Variants in C2 observed in about 807,000 individuals in gnomAD.
C2 encodes complement C2.
A neutral mutation model predicts 85.2 loss-of-function variants in C2; 64 were observed. The observed-to-expected ratio is 0.75, with a 90% CI of 0.61 to 0.92. The LOEUF (loss-of-function observed/expected upper bound fraction) is 0.92, where lower values mean the gene tolerates loss of function less well. Ranked by LOEUF, C2 falls within the 40% of genes least tolerant of loss-of-function variation. The pLI, the probability that C2 is intolerant of heterozygous loss-of-function variation, is 0.00. For missense variants in C2, 820 were observed against 971.6 expected (o/e 0.84, Z 2.07); for synonymous variants, 311 against 370.8 (o/e 0.84, Z 1.85).
At position 31,944,772 on chromosome 6, in the gene C2, C is replaced by T. The variant is rs1771224588; in HGVS notation, c.1948C>T (p.Pro650Ser). The change falls in exon 16 of 18, where the codon CCC becomes TCC. Residue 650 changes from proline (P) to serine (S), a missense_variant. Physicochemically the swap from Pro to Ser is moderately conservative, Grantham distance 74 (BLOSUM62 -1). Transcript: ENST00000299367. This position sits in a 1 kb window ranked among gnomAD's most constrained non-coding sequence, Gnocchi z 5.1. Reference protein sequence around the residue: ...EVVSQEKTMFPNLTDVREVVT... With the variant: ...EVVSQEKTMFSNLTDVREVVT... ...TGTCTCCCAAGAAAAAACCATGTTC[C>T]CCAACTTGACAGATGTCAGGGAGGT... 4 of 1,612,962 alleles carry T rather than the reference C, an allele frequency of 2.5e-6. No homozygotes were observed. Among genetic ancestry groups the T allele is most frequent in the Non-Finnish European group, 3.4e-6 (4 of 1,180,040 alleles).
intron 1 of C2, among the ~76,000 whole-genome samples, chr6:31,910,266 T>C (rs1298443397): frequency 6.6e-6 from 1 of 151,958 alleles, no homozygotes. Flanking sequence ...CTAATGATGT[T>C]GAGCATCTTT....
upstream of C2, among the ~76,000 whole-genome samples, chr6:31,919,670 G>T (rs1768827996): frequency 6.6e-6 from 1 of 151,910 alleles, no homozygotes; most frequent in Admixed American, 6.6e-5. Context: ...TGCATAAATG[G>T]TGGCATCCCA....
rs1367488308 is a variant in C2 at position 31,906,668 on chromosome 6, A to G, written c.73+5529A>G. Among the ~76,000 whole-genome samples the G allele has an allele frequency of 2.6e-5, 4 of 151,690 alleles. 1 individual carries two copies. The highest frequency in any genetic ancestry group is 5.9e-5 in the Non-Finnish European group (4 of 67,974). ...CTATGTCATCCTTGCTGCTTGAGCAACTGACTTTCGGGCCTGTGATACCTG... is the reference window on the plus strand; with the variant it reads ...CTATGTCATCCTTGCTGCTTGAGCAGCTGACTTTCGGGCCTGTGATACCTG... On this transcript the variant is annotated intron_variant, in intron 1 of 3. Coordinates refer to the C2 transcript ENST00000452202.
At chr6:31,906,385 C>T (rs1767715549) in intron 1 of C2, among the ~76,000 whole-genome samples, 1 of 151,886 alleles carries the variant, frequency 6.6e-6, no homozygotes, top group Admixed American at 6.6e-5. Flanking sequence ...TCGGAGCCCT[C>T]TCCCAGCCTC....
At chr6:31,938,796 G>A (rs1172349702) in intron 8 of C2, among the ~76,000 whole-genome samples, 1 of 152,182 alleles carries the variant, frequency 6.6e-6, no homozygotes, top group Non-Finnish European at 1.5e-5. Flanking sequence ...TGGGATTACA[G>A]GCATGTGCCA....
chr6:31,939,622 C>T (rs976706008), intron 9 of C2, among the ~76,000 whole-genome samples: 3 of 151,572 alleles, frequency 2.0e-5, no homozygotes, highest in African/African-American at 7.3e-5. Context: ...TAACGATGTC[C>T]ACCATGCCAC....
chr6:31,902,586 G>A (rs923771217), intron 1 of C2, among the ~76,000 whole-genome samples: 4 of 152,270 alleles, frequency 2.6e-5, no homozygotes, highest in Admixed American at 1.3e-4. Context: ...CCTCTGCTGA[G>A]TGTGCTCACA....
At chr6:31,924,343 A>T (rs1372886522), upstream of C2, among the ~76,000 whole-genome samples, 1 of 152,184 alleles carries the variant, frequency 6.6e-6, no homozygotes, top group Non-Finnish European at 1.5e-5. Context: ...GGTCAATCCT[A>T]TTAGCTCTAC....
chr6:31,933,691 A>C lies in C2; in HGVS notation c.524A>C (p.Tyr175Ser). The C allele has an allele frequency of 6.2e-7, 1 of 1,613,210 alleles. No individual in the cohort carries two copies. Among genetic ancestry groups the C allele is most frequent in the African/African-American group, 1.3e-5 (1 of 75,074 alleles). Residue 175 changes from tyrosine to serine, a missense_variant, in exon 4 of 18, where the codon TAT becomes TCT. Coordinates refer to ENST00000299367, the MANE Select transcript of C2 (RefSeq NM_000063.6). ...FRFGHGDKVR[Y>S]RCSSNLVLTG... ...TTTGGTCATGGGGACAAGGTCCGCT[A>C]TCGCTGCTCCTCGAATCTTGTGCTC...
At chr6:31,901,360 C>A in intron 1 of C2, 2 of 1,535,842 alleles carry the variant, frequency 1.3e-6, no homozygotes, top group South Asian at 1.2e-5. Context: ...AGACAAAGGT[C>A]TCTGGCTCTC....
At chr6:31,934,071 C>CA in intron 5 of C2, 95 bp from the exon 6 acceptor site, 1 of 1,562,596 alleles carries the variant, frequency 6.4e-7, no homozygotes, top group Non-Finnish European at 8.8e-7. Flanking sequence ...TGGGCTCAGC[C>CA]ACTGAAAGGG....
At chr6:31,942,206 C>T (rs1327933214) in intron 9 of C2, among the ~76,000 whole-genome samples, 1 of 149,396 alleles carries the variant, frequency 6.7e-6, no homozygotes, top group African/African-American at 2.5e-5. Context: ...CCACAACCAC[C>T]GCCTCCTGGT....
At chr6:31,901,006 G>T in exon 1 of C2, 2 of 1,614,188 alleles carry the variant, frequency 1.2e-6, no homozygotes, top group Non-Finnish European at 1.7e-6. Flanking sequence ...GGTAGTTGAC[G>T]ATGTCCCTAA....
At chr6:31,942,625 G>A (rs1770975195) in intron 9 of C2, among the ~76,000 whole-genome samples, 1 of 152,090 alleles carries the variant, frequency 6.6e-6, no homozygotes, top group Non-Finnish European at 1.5e-5. Context: ...CACTGAGAAG[G>A]TGACATTTGA....
upstream of C2, among the ~76,000 whole-genome samples, chr6:31,917,969 G>A (rs962067474): frequency 1.3e-5 from 2 of 151,726 alleles, no homozygotes; most frequent in African/African-American, 2.4e-5. Context: ...AGAAAAAAGA[G>A]AAATATTTTA....
chr6:31,933,822 A>T (rs771542146), intron 4 of C2, 39 bp downstream of exon 4: 131 of 1,613,488 alleles, frequency 8.1e-5, no homozygotes, highest in Non-Finnish European at 1.1e-4. Flanking sequence ...TCCTCGGCAC[A>T]CCCGGCCACT....
Position 31,935,007 on chromosome 6 carries a change from T to C in C2, c.849+708T>C, listed in dbSNP as rs1480793932. ...TGGGCAACTAGAGCAAAACTCTGTCTCAAAAAAATAAATAAAATAAAATAA... is the reference window on the plus strand; with the variant it reads ...TGGGCAACTAGAGCAAAACTCTGTCCCAAAAAAATAAATAAAATAAAATAA... On this transcript the variant is annotated intron_variant, in intron 6 of 17. Coordinates refer to ENST00000299367, the MANE Select transcript of C2 (RefSeq NM_000063.6). The surrounding 1 kb of genome is among the most constrained non-coding windows in gnomAD (Gnocchi z 4.3). The C allele has an allele frequency of 1.4e-5, 11 of 797,580 alleles. No individual in the cohort carries two copies. The highest frequency in any genetic ancestry group is 6.5e-4 in the Middle Eastern group (1 of 1,540). 49.4% of individuals were successfully genotyped at this position (797,580 alleles called of 1,614,324 possible).
chr6:31,902,507 G>A (rs1356691043), intron 1 of C2, among the ~76,000 whole-genome samples: 2 of 152,202 alleles, frequency 1.3e-5, no homozygotes, highest in Non-Finnish European at 2.9e-5. Flanking sequence ...GTGCATCCGT[G>A]GCACCTCTCA....
chr6:31,923,125 G>A (rs1582054642), upstream of C2, among the ~76,000 whole-genome samples: 1 of 152,276 alleles, frequency 6.6e-6, no homozygotes, highest in Admixed American at 6.5e-5. Context: ...AGCCAAGGTC[G>A]CCCTCATCTG....
Sources: gnomAD v4.1 joint callset for allele counts (sites outside exome capture counted in the v4.1 genomes callset) on GRCh38, gnomAD v4.1.1 for gene constraint, Gnocchi (gnomAD v3.1) non-coding constraint, MANE v1.5 for transcripts, NCBI Gene and HGNC (gene_info 2026-07-23, HGNC 2026-07-21) for gene names.